The following SUGCT variants were observed in gnomAD, a reference collection of about 807,000 sequenced individuals.
SUGCT encodes succinyl-CoA:glutarate CoA-transferase.
Under a neutral mutation model 55.0 loss-of-function variants are expected in SUGCT, and 41 were observed. The observed-to-expected ratio is 0.74, with a 90% CI of 0.58 to 0.97. The LOEUF (loss-of-function observed/expected upper bound fraction) is 0.97. Ranked by LOEUF, SUGCT falls within the 50% of genes least tolerant of loss-of-function variation. The pLI, the probability that SUGCT is intolerant of heterozygous loss-of-function variation, is 0.00. For synonymous variants in SUGCT, 187 were observed against 200.4 expected (o/e 0.93, Z 0.56); for missense variants, 568 against 547.8 (o/e 1.04, Z -0.37).
intron 12 of SUGCT, among the ~76,000 whole-genome samples, chr7:40,687,472 A>T (rs1784514225): frequency 6.6e-6 from 1 of 152,142 alleles, no homozygotes. Flanking sequence ...CTGCATCAGT[A>T]GTTGATGGTC....
the SUGCT span, among the ~76,000 whole-genome samples, chr7:40,935,602 G>C: frequency 2.6e-5 from 4 of 152,032 alleles, no homozygotes; most frequent in East Asian, 7.7e-4. Context: ...TTTTATGGCC[G>C]AATAATATTC....
At chr7:40,525,643 A>C (rs1793756644) in intron 12 of SUGCT, among the ~76,000 whole-genome samples, 1 of 152,114 alleles carries the variant, frequency 6.6e-6, no homozygotes, top group Admixed American at 6.6e-5. Context: ...GAGAGAGAGA[A>C]AATATGAATA....
chr7:40,633,250 T>C (rs1200916631), intron 12 of SUGCT, among the ~76,000 whole-genome samples: 2 of 152,246 alleles, frequency 1.3e-5, no homozygotes, highest in Non-Finnish European at 2.9e-5. Context: ...TTAAATAATA[T>C]CGAAACCAAA....
chr7:40,898,480 C>CGGGGGGGGCGGGGGGGGGGGGGGGG, the SUGCT span, among the ~76,000 whole-genome samples: 2 of 5,722 alleles, frequency 3.5e-4, 1 homozygote, highest in Non-Finnish European at 8.8e-4. Flanking sequence ...TCCGGGAGGT[C>CGGGGGGGGCGGGGGGGGGGGGGGGG]GGGGGGGGGG....
At chr7:40,192,609 T>C (rs1410366154) in intron 5 of SUGCT, among the ~76,000 whole-genome samples, 1 of 151,122 alleles carries the variant, frequency 6.6e-6, no homozygotes, top group African/African-American at 2.4e-5. Context: ...CTATATAGCA[T>C]GCAGTTTATT....
intron 9 of SUGCT, among the ~76,000 whole-genome samples, chr7:40,336,048 G>A (rs908110612): frequency 5.3e-5 from 8 of 152,014 alleles, no homozygotes; most frequent in Admixed American, 2.0e-4. Context: ...GCTGGATTAC[G>A]TTTATTGATT....
At chr7:40,229,135 T>C (rs1192917647) in intron 6 of SUGCT, among the ~76,000 whole-genome samples, 1 of 152,238 alleles carries the variant, frequency 6.6e-6, no homozygotes, top group Non-Finnish European at 1.5e-5. Context: ...GGTATTTACA[T>C]ACTACTGTCT....
At chr7:40,271,429 CTT>C (rs545033203) in intron 7 of SUGCT, among the ~76,000 whole-genome samples, 5 of 152,200 alleles carry the variant, frequency 3.3e-5, no homozygotes, top group Middle Eastern at 3.4e-3. Flanking sequence ...TGCCTGGCCT[CTT>C]GTCTTGTTCT....
intron 6 of SUGCT, among the ~76,000 whole-genome samples, chr7:40,232,442 T>G (rs1414702411): frequency 6.6e-6 from 1 of 152,158 alleles, no homozygotes; most frequent in African/African-American, 2.4e-5. Flanking sequence ...TTCAATTACT[T>G]TCTTCTGAGG....
the SUGCT span, among the ~76,000 whole-genome samples, chr7:41,010,421 G>C: frequency 6.6e-6 from 1 of 152,232 alleles, no homozygotes; most frequent in Non-Finnish European, 1.5e-5. Context: ...ATTTCTAGGA[G>C]TGAAATCTGA....
chr7:40,321,038 C>T (rs1198683617), intron 9 of SUGCT, among the ~76,000 whole-genome samples: 2 of 151,310 alleles, frequency 1.3e-5, no homozygotes, highest in African/African-American at 2.4e-5. Flanking sequence ...CAGCATTTGA[C>T]TTGCTGTTTC....
chr7:40,816,207 C>T (rs1333299924), intron 13 of SUGCT, among the ~76,000 whole-genome samples: 1 of 152,248 alleles, frequency 6.6e-6, no homozygotes, highest in South Asian at 2.1e-4. Context: ...GCAAGTCTTG[C>T]TCCAGCCTCT....
chr7:40,693,988 A>G (rs925168287), intron 12 of SUGCT, among the ~76,000 whole-genome samples: 2 of 152,196 alleles, frequency 1.3e-5, no homozygotes, highest in African/African-American at 4.8e-5. Flanking sequence ...AACAAATTAA[A>G]GATGTCAGGA....
At chr7:40,696,026 C>T (rs555190133) in intron 12 of SUGCT, among the ~76,000 whole-genome samples, 8 of 152,196 alleles carry the variant, frequency 5.3e-5, no homozygotes, top group Non-Finnish European at 1.0e-4. Flanking sequence ...CTACTTACTA[C>T]TGTATACCAC....
chr7:40,724,380 G>A (rs543401008), intron 12 of SUGCT, among the ~76,000 whole-genome samples: 5 of 151,592 alleles, frequency 3.3e-5, no homozygotes, highest in South Asian at 4.2e-4. Flanking sequence ...CCTGGCTAAC[G>A]TGGTGAAACC....
chr7:40,352,578 T>C (rs967132797), intron 9 of SUGCT, among the ~76,000 whole-genome samples: 1 of 152,172 alleles, frequency 6.6e-6, no homozygotes, highest in Non-Finnish European at 1.5e-5. Context: ...GTTTTCTCTT[T>C]CTGTGTTAGT....
chr7:40,183,581 TC>T (rs1249020565), intron 3 of SUGCT, among the ~76,000 whole-genome samples: 1 of 152,176 alleles, frequency 6.6e-6, no homozygotes, highest in African/African-American at 2.4e-5. Flanking sequence ...AACTCCTGTC[TC>T]AGCCTTTCAG....
the SUGCT span, among the ~76,000 whole-genome samples, chr7:40,884,384 G>A: frequency 6.6e-6 from 1 of 152,190 alleles, no homozygotes; most frequent in Non-Finnish European, 1.5e-5. Context: ...ACCCTCTGGT[G>A]AGGGAACAAA....
At chr7:40,977,197 G>C in the SUGCT span, among the ~76,000 whole-genome samples, 11 of 152,298 alleles carry the variant, frequency 7.2e-5, no homozygotes, top group African/African-American at 2.6e-4. Flanking sequence ...CCATTTGGCC[G>C]ATCCTCTGGC....
Sources: allele counts gnomAD v4.1 joint callset (sites outside exome capture counted in the v4.1 genomes callset), GRCh38; gene constraint gnomAD v4.1.1; transcripts MANE v1.5; gene names NCBI Gene and HGNC (gene_info 2026-07-23, HGNC 2026-07-21).